The following ENPP2 variants were observed in gnomAD, a reference collection of about 807,000 sequenced individuals.
ENPP2 encodes the protein autotaxin.
A neutral mutation model predicts 120.2 loss-of-function variants in ENPP2; 51 were observed. The observed-to-expected ratio is 0.42, with a 90% CI of 0.34 to 0.54. The LOEUF is 0.54. ENPP2 is among the 20% of genes least tolerant of loss of function. The pLI is 0.04. For synonymous variants in ENPP2, 365 were observed against 366.4 expected (o/e 1.00, Z 0.04); for missense variants, 920 against 1,066.5 (o/e 0.86, Z 1.91).
chr8:119,607,458 A>G (rs58611549), intron 9 of ENPP2, among the ~76,000 whole-genome samples: 8,973 of 152,046 alleles, frequency 0.059, 774 homozygotes, highest in African/African-American at 0.19. Flanking sequence ...GGAGGATCAC[A>G]AGGTCAGGAG....
intron 17 of ENPP2, 46 bp from the exon 18 acceptor site, chr8:119,582,648 T>G: frequency 1.5e-6 from 2 of 1,344,710 alleles, no homozygotes; most frequent in Non-Finnish European, 2.1e-6. Context: ...TATATTTTTT[T>G]GATGAGATAT....
intron 15 of ENPP2, among the ~76,000 whole-genome samples, chr8:119,585,575 G>A (rs1171381070): frequency 1.3e-5 from 2 of 152,198 alleles, no homozygotes; most frequent in Non-Finnish European, 2.9e-5. Context: ...AGGTCTGTGT[G>A]AAAATGGATA....
At chr8:119,558,690 A>T (rs1442683544) in intron 24 of ENPP2, among the ~76,000 whole-genome samples, 1 of 151,894 alleles carries the variant, frequency 6.6e-6, no homozygotes, top group Non-Finnish European at 1.5e-5. Flanking sequence ...AATATGGAGC[A>T]GTGTCTACTT....
intron 5 of ENPP2, chr8:119,618,320 G>C (rs1448663105): frequency 2.1e-6 from 1 of 482,634 alleles, no homozygotes; most frequent in Non-Finnish European, 4.2e-6. Context: ...GTTCTTATGG[G>C]CCTCTGTATA....
At chr8:119,590,995 T>TAAAAAAAAA (rs58061193) in intron 12 of ENPP2, among the ~76,000 whole-genome samples, 7 of 109,958 alleles carry the variant, frequency 6.4e-5, no homozygotes, top group Non-Finnish European at 8.8e-5. Flanking sequence ...ATCTATTCTT[T>TAAAAAAAAA]AAAAAAAAAA....
intron 11 of ENPP2, among the ~76,000 whole-genome samples, chr8:119,594,849 G>A (rs1435942650): frequency 6.6e-6 from 1 of 152,114 alleles, no homozygotes; most frequent in African/African-American, 2.4e-5. Flanking sequence ...ATTTTTACTC[G>A]GACACATAAT....
Position 119,621,374 on chromosome 8 carries a change from C to T in ENPP2, c.418+20G>A, listed in dbSNP as rs1211335414. ...GTTTTTATTCTTTTAAAGCTCAGGC[C>T]AATCCAAAGAAACACGTACCTTTGC... is the stretch of plus-strand genomic sequence containing the variant. On this transcript the variant is annotated intron_variant, in intron 4 of 24. Transcript: ENST00000075322. The T allele has an allele frequency of 1.9e-6, 3 of 1,611,180 alleles. No homozygotes were observed. Among genetic ancestry groups the T allele is most frequent in the African/African-American group, 2.7e-5 (2 of 74,824 alleles).
At chr8:119,666,796 A>G (rs1306272763) in intron 1 of ENPP2, among the ~76,000 whole-genome samples, 2 of 151,948 alleles carry the variant, frequency 1.3e-5, no homozygotes, top group Non-Finnish European at 1.5e-5. Context: ...AAAAAAGCTT[A>G]ATGAAGGACT....
chr8:119,618,841 T>C (rs1815671231), intron 5 of ENPP2, among the ~76,000 whole-genome samples: 1 of 152,028 alleles, frequency 6.6e-6, no homozygotes, highest in Non-Finnish European at 1.5e-5. Flanking sequence ...TAATTACTTA[T>C]TGGATAACAC....
At chr8:119,645,855 T>C (rs1817431566) in intron 1 of ENPP2, among the ~76,000 whole-genome samples, 1 of 152,044 alleles carries the variant, frequency 6.6e-6, no homozygotes, top group Admixed American at 6.6e-5. Context: ...CTGCTCTTCC[T>C]GTTTGTACTC....
At chr8:119,559,824 C>T (rs1361712805) in intron 24 of ENPP2, among the ~76,000 whole-genome samples, 2 of 152,206 alleles carry the variant, frequency 1.3e-5, no homozygotes, top group Non-Finnish European at 2.9e-5. Flanking sequence ...CCCTGACTTT[C>T]TCCCCAGGTT....
intron 1 of ENPP2, among the ~76,000 whole-genome samples, chr8:119,662,138 T>C (rs1014871334): frequency 6.6e-6 from 1 of 152,110 alleles, no homozygotes; most frequent in South Asian, 2.1e-4. Flanking sequence ...TAGGGCATAA[T>C]AATGTATTAT....
Position 119,570,887 on chromosome 8 carries a change from TA to T in ENPP2, c.1781-47del, listed in dbSNP as rs1419874801. On this transcript the variant is annotated intron_variant, in intron 19 of 24. Transcript: ENST00000075322. ...ACTGTGTTAGGTGCATATTAAATTT[TA>T]CATCAAATGTTAAAGAAATGTTGGA... The T allele has an allele frequency of 4.6e-6, 6 of 1,306,854 alleles. No individual in the cohort carries two copies. The South Asian group carries it at 1.0e-4, about 23-fold the overall frequency. The allele number at this position is 1,306,854 out of a possible 1,614,324, so 81.0% of individuals were successfully genotyped here.
chr8:119,619,902 T>A (rs1393549525), intron 4 of ENPP2, among the ~76,000 whole-genome samples: 1 of 151,926 alleles, frequency 6.6e-6, no homozygotes, highest in Non-Finnish European at 1.5e-5. Flanking sequence ...AGGCCTCAGA[T>A]AAAAACATAA....
intron 8 of ENPP2, among the ~76,000 whole-genome samples, chr8:119,611,956 G>A (rs1349376581): frequency 6.6e-6 from 1 of 152,212 alleles, no homozygotes; most frequent in African/African-American, 2.4e-5. Flanking sequence ...TTGAACCCGG[G>A]AGGCGGAGGT....
chr8:119,617,206 C>T lies in ENPP2; in HGVS notation c.615G>A (p.Val205=). The change falls in exon 7 of 25, where the codon GTG becomes GTA. Residue 205 remains valine, a synonymous_variant. Transcript: ENST00000075322. ...AGTTAGGAAAGGTTTTAGTTGGGTACACCGGCCTCATGTAGGGAGAGTGTG... is the reference window on the plus strand; with the variant it reads ...AGTTAGGAAAGGTTTTAGTTGGGTATACCGGCCTCATGTAGGGAGAGTGTG... ...CGTHSPYMRP[V]YPTKTFPNLY... 6 of 1,613,726 alleles carry T rather than the reference C, an allele frequency of 3.7e-6. No individual in the cohort carries two copies. Among genetic ancestry groups the T allele is most frequent in the East Asian group, 2.2e-5 (1 of 44,860 alleles).
chr8:119,645,334 C>T (rs1438796107), intron 1 of ENPP2, among the ~76,000 whole-genome samples: 1 of 152,142 alleles, frequency 6.6e-6, no homozygotes, highest in Non-Finnish European at 1.5e-5. Context: ...TCAGGAAAAC[C>T]TTAAACTCAA....
intron 8 of ENPP2, among the ~76,000 whole-genome samples, chr8:119,612,072 A>G (rs1243367991): frequency 6.6e-6 from 1 of 152,156 alleles, no homozygotes; most frequent in Non-Finnish European, 1.5e-5. Flanking sequence ...TTATGATAGT[A>G]AAAATATAAA....
At chr8:119,657,717 G>A (rs1028076236) in intron 1 of ENPP2, among the ~76,000 whole-genome samples, 4 of 152,156 alleles carry the variant, frequency 2.6e-5, no homozygotes, top group South Asian at 2.1e-4. Flanking sequence ...TTTATTAGAC[G>A]TGTGTTTGTC....
Sources: gnomAD v4.1 joint callset for allele counts (sites outside exome capture counted in the v4.1 genomes callset) on GRCh38, gnomAD v4.1.1 for gene constraint, MANE v1.5 for transcripts, NCBI Gene and HGNC (gene_info 2026-07-23, HGNC 2026-07-21) for gene names.